The following PDE4D variants were observed in gnomAD, a reference collection of about 807,000 sequenced individuals.
PDE4D encodes the protein phosphodiesterase 4D, also known as 3',5'-cyclic-AMP phosphodiesterase 4D.
PDE4D carries 24 observed loss-of-function variants against 87.4 expected under a neutral mutation model. That is an observed-to-expected ratio of 0.27 (90% CI 0.20 to 0.39). The LOEUF is 0.39. Ranked by LOEUF, PDE4D falls within the 10% of genes least tolerant of loss-of-function variation. PDE4D has a pLI of 1.00. For synonymous variants in PDE4D, 384 were observed against 383.2 expected, an observed-to-expected ratio of 1.00 and a Z score of -0.02; for missense variants, 714 against 1,041.0, an observed-to-expected ratio of 0.69 and a Z score of 4.32.
chr5:59,235,002 T>C (rs26703), intron 1 of PDE4D, among the ~76,000 whole-genome samples: 32,708 of 152,070 alleles, frequency 0.22, 3,831 homozygotes, highest in Non-Finnish European at 0.26. Flanking sequence ...CTTTTTCTTT[T>C]TTTATAGAAT....
At chr5:59,361,390 GTCT>G (rs1454063304) in intron 1 of PDE4D, among the ~76,000 whole-genome samples, 6 of 152,246 alleles carry the variant, frequency 3.9e-5, no homozygotes, top group African/African-American at 1.4e-4. Flanking sequence ...GTGTGTAAAA[GTCT>G]TCTGGTGTCA....
intron 1 of PDE4D, among the ~76,000 whole-genome samples, chr5:59,230,746 T>G (rs1754991863): frequency 6.6e-6 from 1 of 152,208 alleles, no homozygotes; most frequent in Admixed American, 6.5e-5. Context: ...TCACCAGCCC[T>G]ACTATTAAAT....
intron 1 of PDE4D, among the ~76,000 whole-genome samples, chr5:59,457,075 T>C (rs1223848727): frequency 2.0e-5 from 3 of 152,250 alleles, no homozygotes; most frequent in African/African-American, 7.2e-5. Flanking sequence ...TTTCAGAGGA[T>C]TGTCTCCAAT....
chr5:60,219,697 C>T (rs1744271407), intron 1 of PDE4D, among the ~76,000 whole-genome samples: 1 of 152,108 alleles, frequency 6.6e-6, no homozygotes, highest in Non-Finnish European at 1.5e-5. Flanking sequence ...TGGTTCTAAA[C>T]CTCAAAACTA....
At chr5:59,338,446 C>T (rs1007170258) in intron 1 of PDE4D, among the ~76,000 whole-genome samples, 1 of 152,196 alleles carries the variant, frequency 6.6e-6, no homozygotes, top group Non-Finnish European at 1.5e-5. Context: ...ATGGACTCAG[C>T]ATCTCATATT....
chr5:59,928,442 G>T (rs550882813), intron 3 of PDE4D, among the ~76,000 whole-genome samples: 43 of 152,246 alleles, frequency 2.8e-4, no homozygotes, highest in African/African-American at 1.0e-3. Context: ...GCCAGGTGTG[G>T]TGGTGCGCGC....
rs372930035 is a variant in PDE4D, at chr5:60,364,729, G to A, written c.-90+123213C>T. 4.4e-4 allele frequency among the ~76,000 whole-genome samples: 67 copies of A among 152,250 alleles called. 1 individual carries two copies. Among genetic ancestry groups the A allele is most frequent in the African/African-American group, 1.4e-3 (59 of 41,550 alleles). On this transcript the variant is annotated intron_variant, in intron 1 of 16. Coordinates refer to the PDE4D transcript ENST00000502484. Reference sequence around the variant, plus strand: ...GGCAGAGTGCCATTGGTGCTTAGTCGTTAAAACAGGTGGCATTTCTATCAA... The same window carrying A: ...GGCAGAGTGCCATTGGTGCTTAGTCATTAAAACAGGTGGCATTTCTATCAA...
rs1745272419 is a variant in PDE4D, at chr5:60,227,599, GAGGGAGGGAGGGAGGAA to G, written c.-89-41929_-89-41913del. On this transcript the variant is annotated intron_variant, in intron 1 of 16. Coordinates refer to the PDE4D transcript ENST00000502484. Reference sequence around the variant, plus strand: ...GGAGAGGAAAGGAGGAAGGGGGAGAGAGGGAGGGAGGGAGGAAAGGGAAGGAGGGAGGGAGGGAGGGA... The same window carrying G: ...GGAGAGGAAAGGAGGAAGGGGGAGAGAGGGAAGGAGGGAGGGAGGGAGGGA... Among the ~76,000 whole-genome samples, 3 of 136,070 alleles carry G rather than the reference GAGGGAGGGAGGGAGGAA, an allele frequency of 2.2e-5. No individual in the cohort carries two copies. The South Asian group carries it at 7.8e-4, about 35-fold the overall frequency. The allele number at this position is 136,070 out of a possible 152,430, so 89.3% of individuals were successfully genotyped here.
At chr5:59,340,944 A>G (rs577415287) in intron 1 of PDE4D, among the ~76,000 whole-genome samples, 2 of 152,304 alleles carry the variant, frequency 1.3e-5, no homozygotes, top group Non-Finnish European at 2.9e-5. Flanking sequence ...ATGGACACTT[A>G]GATACAACCA....
chr5:59,039,439 C>T (rs1356756908), intron 5 of PDE4D: 2 of 992,110 alleles, frequency 2.0e-6, no homozygotes, highest in East Asian at 1.1e-4. Context: ...GCCCCACGCC[C>T]GCCCCGCCTG....
rs117188674 is a variant in PDE4D, at chr5:59,486,386, C to T, written c.456-270418G>A. 4.7e-3 allele frequency among the ~76,000 whole-genome samples: 710 copies of T among 152,294 alleles called. 27 individuals carry two copies. The East Asian group carries it at 0.074, about 16-fold the overall frequency. Reference sequence around the variant, plus strand: ...AAGAAGCTTTTGGATATTTGAAATACATACCATCTTAACTACTCCTGCTCT... The same window carrying T: ...AAGAAGCTTTTGGATATTTGAAATATATACCATCTTAACTACTCCTGCTCT... On this transcript the variant is annotated intron_variant, in intron 1 of 14. Coordinates refer to ENST00000340635, the MANE Select transcript of PDE4D (RefSeq NM_001104631.2).
chr5:59,916,192 T>C (rs2152774503), intron 3 of PDE4D, among the ~76,000 whole-genome samples: 1 of 152,346 alleles, frequency 6.6e-6, no homozygotes, highest in Admixed American at 6.5e-5. Context: ...AAGCTGTGCT[T>C]CGCAGCCTGC....
At chr5:59,312,604 A>G (rs531775016) in intron 1 of PDE4D, among the ~76,000 whole-genome samples, 2 of 152,290 alleles carry the variant, frequency 1.3e-5, no homozygotes, top group East Asian at 3.9e-4. Flanking sequence ...AAGCACACCA[A>G]ACTTAAACCC....
chr5:60,334,311 C>A (rs746099949), intron 1 of PDE4D, among the ~76,000 whole-genome samples: 1 of 152,158 alleles, frequency 6.6e-6, no homozygotes, highest in Non-Finnish European at 1.5e-5. Context: ...ACAACTCACC[C>A]CAGCCTGACT....
intron 6 of PDE4D, among the ~76,000 whole-genome samples, chr5:59,024,856 A>T (rs564288662): frequency 2.5e-4 from 38 of 152,322 alleles, no homozygotes; most frequent in African/African-American, 9.1e-4. Flanking sequence ...ATATATACCA[A>T]GGATAATGTT....
At chr5:59,226,088 T>C (rs1409208496) in intron 1 of PDE4D, among the ~76,000 whole-genome samples, 1 of 152,064 alleles carries the variant, frequency 6.6e-6, no homozygotes, top group Admixed American at 6.6e-5. Flanking sequence ...AAAAACAGTA[T>C]GGAAGTTCCT....
intron 1 of PDE4D, among the ~76,000 whole-genome samples, chr5:59,471,662 T>C (rs1476931335): frequency 6.6e-6 from 1 of 152,232 alleles, no homozygotes; most frequent in Non-Finnish European, 1.5e-5. Flanking sequence ...CTCTCTGCTG[T>C]ACAAGTGACA....
intron 1 of PDE4D, among the ~76,000 whole-genome samples, chr5:59,457,334 T>A (rs1022409813): frequency 1.3e-5 from 2 of 152,168 alleles, no homozygotes; most frequent in African/African-American, 2.4e-5. Context: ...TCATAAGCAC[T>A]TTTTAGCAAG....
At chr5:59,081,690 A>T (rs1437428769) in intron 5 of PDE4D, among the ~76,000 whole-genome samples, 1 of 151,966 alleles carries the variant, frequency 6.6e-6, no homozygotes. Context: ...TTGTCCTATT[A>T]TTGGCTTAGT....
Sources: gnomAD v4.1 joint callset for allele counts (sites outside exome capture counted in the v4.1 genomes callset) on GRCh38, gnomAD v4.1.1 for gene constraint, MANE v1.5 for transcripts, NCBI Gene and HGNC (gene_info 2026-07-23, HGNC 2026-07-21) for gene names.